Variants in ZNF521 observed in about 807,000 individuals in gnomAD.
The protein encoded by ZNF521 is zinc finger protein 521, also known as LYST-interacting protein 3.
In ZNF521, 14 loss-of-function variants were observed where a neutral mutation model predicts 105.5. The observed-to-expected ratio is 0.13, with a 90% CI of 0.09 to 0.21. ZNF521 has a LOEUF of 0.21. ZNF521 is among the 10% of genes least tolerant of loss of function. ZNF521 has a pLI of 1.00. For missense variants in ZNF521, 1,233 were observed against 1,629.7 expected (o/e 0.76, Z 4.19); for synonymous variants, 635 against 606.0 (o/e 1.05, Z -0.70).
chr18:25,266,985 G>A (rs574801476), intron 3 of ZNF521, among the ~76,000 whole-genome samples: 4 of 152,162 alleles, frequency 2.6e-5, no homozygotes, highest in East Asian at 1.9e-4. Flanking sequence ...CTGGCTCAGC[G>A]GGTCCCATCC....
intron 2 of ZNF521, among the ~76,000 whole-genome samples, chr18:25,331,766 T>C (rs939922106): frequency 1.3e-5 from 2 of 152,200 alleles, no homozygotes; most frequent in Non-Finnish European, 1.5e-5. Flanking sequence ...CAGGAAACAC[T>C]GGCTTGCTGC....
intron 4 of ZNF521, among the ~76,000 whole-genome samples, chr18:25,221,130 T>C (rs1375053730): frequency 6.6e-6 from 1 of 152,190 alleles, no homozygotes; most frequent in African/African-American, 2.4e-5. Context: ...CAAATTTAGA[T>C]TAATAATCTG....
chr18:25,227,678 A>G lies in ZNF521; in HGVS notation c.240T>C (p.Asp80=), dbSNP rs113502438. ...CQLTDGVDVE[D]DPTCSWPASS... ...AAGCTGGCCAAGAGCAAGTCGGATC[A>G]TCTTCAACATCCACTCCATCTGCAA... The change falls in exon 4 of 8, where the codon GAT becomes GAC. Residue 80 remains aspartate, a synonymous_variant. Coordinates refer to ENST00000361524, the MANE Select transcript of ZNF521 (RefSeq NM_015461.3). The surrounding 1 kb of genome is among the most constrained non-coding windows in gnomAD (Gnocchi z 5.7). 1.9e-4 allele frequency: 311 copies of G among 1,612,660 alleles called. No homozygotes were observed. In the African/African-American group the frequency reaches 3.5e-3, roughly 18 times the overall value.
intron 4 of ZNF521, among the ~76,000 whole-genome samples, chr18:25,209,626 T>C (rs1176555271): frequency 1.3e-5 from 2 of 152,160 alleles, no homozygotes; most frequent in East Asian, 1.9e-4. Flanking sequence ...AGGGTAGAAA[T>C]CCTGATTTTG....
At chr18:25,149,349 G>T (rs1221353345) in intron 5 of ZNF521, among the ~76,000 whole-genome samples, 3 of 152,178 alleles carry the variant, frequency 2.0e-5, no homozygotes, top group Admixed American at 6.5e-5. Flanking sequence ...CCTATAGTAA[G>T]TATTAAATGG....
intron 7 of ZNF521, among the ~76,000 whole-genome samples, chr18:25,083,906 G>C (rs1037904654): frequency 1.4e-5 from 2 of 146,804 alleles, no homozygotes; most frequent in African/African-American, 5.0e-5. Context: ...GAGTACCTGG[G>C]ACCACAGGCA....
Position 25,227,496 on chromosome 18 carries a change from C to A in ZNF521, c.422G>T (p.Ser141Ile). 6.2e-7 allele frequency: 1 copy of A among 1,614,144 alleles called. No homozygotes were observed. The highest frequency in any genetic ancestry group is 2.2e-5 in the East Asian group (1 of 44,876). ...SYLKHHEQSH[S>I]DKLPFKCTYC... ...GGTGCATTTGAAAGGCAGTTTGTCACTGTGACTCTGCTCATGGTGCTTTAG... is the reference window on the plus strand; with the variant it reads ...GGTGCATTTGAAAGGCAGTTTGTCAATGTGACTCTGCTCATGGTGCTTTAG... The change falls in exon 4 of 8, where the codon AGT becomes ATT. Residue 141 changes from serine to isoleucine, a missense_variant. This residue lies in a region of ZNF521 where 85 missense variants were observed against 162.2 expected (regional missense o/e 0.52). Transcript: ENST00000361524. This position sits in a 1 kb window ranked among gnomAD's most constrained non-coding sequence, Gnocchi z 5.7.
chr18:25,304,792 C>T (rs969183725), intron 3 of ZNF521, among the ~76,000 whole-genome samples: 3 of 152,152 alleles, frequency 2.0e-5, no homozygotes, highest in African/African-American at 7.2e-5. Flanking sequence ...ATTTACCATC[C>T]ATATTAGCCA....
intron 3 of ZNF521, among the ~76,000 whole-genome samples, chr18:25,257,835 T>G (rs1908626797): frequency 6.6e-6 from 1 of 152,166 alleles, no homozygotes. Context: ...CATATCCCAT[T>G]ATAACGGGTG....
At chr18:25,291,725 G>A (rs1440864008) in intron 3 of ZNF521, among the ~76,000 whole-genome samples, 3 of 152,006 alleles carry the variant, frequency 2.0e-5, no homozygotes, top group Admixed American at 6.6e-5. Context: ...CCAAGCCCTC[G>A]GCATACTATA....
At chr18:25,259,509 G>A (rs1426544223) in intron 3 of ZNF521, among the ~76,000 whole-genome samples, 1 of 152,122 alleles carries the variant, frequency 6.6e-6, no homozygotes, top group African/African-American at 2.4e-5. Context: ...AGTTGGAGAG[G>A]GCACCACGGG....
chr18:25,078,333 C>G (rs2144155578), intron 7 of ZNF521, among the ~76,000 whole-genome samples: 1 of 152,322 alleles, frequency 6.6e-6, no homozygotes, highest in East Asian at 1.9e-4. Flanking sequence ...TAATAAAATA[C>G]CAACCAGGAT....
chr18:25,175,582 A>C (rs2035523145), intron 5 of ZNF521, among the ~76,000 whole-genome samples: 1 of 152,210 alleles, frequency 6.6e-6, no homozygotes, highest in African/African-American at 2.4e-5. Flanking sequence ...TATTTTGAGA[A>C]TAGAAAACGT....
intron 5 of ZNF521, among the ~76,000 whole-genome samples, chr18:25,114,284 G>C (rs2034259894): frequency 6.6e-6 from 1 of 152,084 alleles, no homozygotes; most frequent in South Asian, 2.1e-4. Context: ...CTGCAATACT[G>C]GTGGAAAAGA....
At chr18:25,267,199 G>T (rs1040519398) in intron 3 of ZNF521, among the ~76,000 whole-genome samples, 1 of 152,204 alleles carries the variant, frequency 6.6e-6, no homozygotes, top group African/African-American at 2.4e-5. Flanking sequence ...AGCTCAGCAA[G>T]GCCTCTGCGG....
chr18:25,268,853 A>G (rs1909445560), intron 3 of ZNF521, among the ~76,000 whole-genome samples: 1 of 152,208 alleles, frequency 6.6e-6, no homozygotes, highest in Non-Finnish European at 1.5e-5. Context: ...CATCAACACT[A>G]TGAAGAAATT....
intron 5 of ZNF521, among the ~76,000 whole-genome samples, chr18:25,155,811 G>A (rs1285383801): frequency 6.6e-6 from 1 of 152,060 alleles, no homozygotes; most frequent in African/African-American, 2.4e-5. Context: ...AAAAAAGGAG[G>A]CAATCCTGCC....
At chr18:25,288,269 G>A (rs777966073) in intron 3 of ZNF521, among the ~76,000 whole-genome samples, 28 of 152,114 alleles carry the variant, frequency 1.8e-4, no homozygotes, top group Non-Finnish European at 3.4e-4. Context: ...GATGCCCTCC[G>A]ATGTGAACAA....
intron 7 of ZNF521, among the ~76,000 whole-genome samples, chr18:25,083,584 A>C (rs1418636250): frequency 6.6e-6 from 1 of 152,166 alleles, no homozygotes. Flanking sequence ...CTTTTCTGGG[A>C]AGATTTATAA....
Sources: allele counts gnomAD v4.1 joint callset (sites outside exome capture counted in the v4.1 genomes callset), GRCh38; gene constraint gnomAD v4.1.1; regional missense constraint gnomAD v4.1.1; non-coding constraint Gnocchi (gnomAD v3.1); transcripts MANE v1.5; gene names NCBI Gene and HGNC (gene_info 2026-07-23, HGNC 2026-07-21).